PLXDC2: variants seen among roughly 807,000 people sequenced by gnomAD.
PLXDC2 encodes plexin domain containing 2, also known as plexin domain-containing protein 2.
In PLXDC2, 40 loss-of-function variants were observed where a neutral mutation model predicts 68.9. That is an observed-to-expected ratio of 0.58 (90% CI 0.45 to 0.76). The LOEUF (loss-of-function observed/expected upper bound fraction) is 0.76. PLXDC2 is among the 30% of genes least tolerant of loss of function. The pLI is 0.00. For synonymous variants in PLXDC2, 243 were observed against 234.2 expected (o/e 1.04, Z -0.34); for missense variants, 644 against 661.9 (o/e 0.97, Z 0.30).
At chr10:20,040,726 G>A (rs1200523559) in intron 2 of PLXDC2, among the ~76,000 whole-genome samples, 1 of 151,944 alleles carries the variant, frequency 6.6e-6, no homozygotes, top group Non-Finnish European at 1.5e-5. Flanking sequence ...ATTAGAATTT[G>A]GAAGGGAGAA....
At chr10:20,168,725 C>A (rs1018215371) in intron 7 of PLXDC2, among the ~76,000 whole-genome samples, 1 of 152,102 alleles carries the variant, frequency 6.6e-6, no homozygotes, top group African/African-American at 2.4e-5. Flanking sequence ...TTTGGTTGTT[C>A]ATTTCAGAAA....
At chr10:20,186,586 G>C (rs574449078) in intron 9 of PLXDC2, among the ~76,000 whole-genome samples, 4 of 151,748 alleles carry the variant, frequency 2.6e-5, no homozygotes, top group African/African-American at 9.7e-5. Flanking sequence ...CCTCTGGTAG[G>C]CCTCAGTATG....
At chr10:20,145,745 G>A (rs1834068091) in intron 5 of PLXDC2, among the ~76,000 whole-genome samples, 1 of 151,848 alleles carries the variant, frequency 6.6e-6, no homozygotes, top group Non-Finnish European at 1.5e-5. Flanking sequence ...AGTAGAGATG[G>A]GGTTTCACCG....
intron 12 of PLXDC2, among the ~76,000 whole-genome samples, chr10:20,235,878 C>T (rs192380096): frequency 5.5e-4 from 84 of 152,238 alleles, no homozygotes; most frequent in African/African-American, 2.0e-3. Context: ...CTGTTCTGTA[C>T]CTCCAAACCT....
intron 1 of PLXDC2, among the ~76,000 whole-genome samples, chr10:19,869,043 G>A (rs1837481012): frequency 6.6e-6 from 1 of 152,042 alleles, no homozygotes; most frequent in Non-Finnish European, 1.5e-5. Flanking sequence ...CTTGTCATAG[G>A]CTTTAGAGTT....
chr10:20,127,267 G>T (rs1167817323), intron 4 of PLXDC2, among the ~76,000 whole-genome samples: 2 of 152,152 alleles, frequency 1.3e-5, no homozygotes, highest in African/African-American at 4.8e-5. Context: ...GCACATTCAG[G>T]ACATTGCGTG....
At chr10:20,139,644 C>A (rs1833974960) in intron 4 of PLXDC2, among the ~76,000 whole-genome samples, 1 of 152,116 alleles carries the variant, frequency 6.6e-6, no homozygotes, top group South Asian at 2.1e-4. Flanking sequence ...GAAAATGTAG[C>A]ACATAAACCC....
intron 1 of PLXDC2, among the ~76,000 whole-genome samples, chr10:19,857,690 C>T (rs2131331981): frequency 6.6e-6 from 1 of 152,280 alleles, no homozygotes; most frequent in African/African-American, 2.4e-5. Flanking sequence ...AAATAGGAAA[C>T]TAACAAAGAC....
rs140223574 is a variant in PLXDC2 at position 20,267,729 on chromosome 10, A to C, written c.1474-11974A>C. Reference sequence around the variant, plus strand: ...ACCTAAATAATTCACAAACCATATTATCAAACCCCTGAGTATTATACCATT... The same window carrying C: ...ACCTAAATAATTCACAAACCATATTCTCAAACCCCTGAGTATTATACCATT... On this transcript the variant is annotated intron_variant, in intron 13 of 13. Transcript: ENST00000377252. Among the ~76,000 whole-genome samples the C allele has an allele frequency of 2.0e-5, 3 of 152,198 alleles. No homozygotes were observed. The East Asian group carries it at 5.8e-4, about 29-fold the overall frequency.
chr10:19,872,992 G>C (rs1206784750), intron 1 of PLXDC2, among the ~76,000 whole-genome samples: 1 of 152,136 alleles, frequency 6.6e-6, no homozygotes. Flanking sequence ...ACTCCTAACA[G>C]AACAGTTTGA....
intron 4 of PLXDC2, among the ~76,000 whole-genome samples, chr10:20,123,337 G>T (rs530039149): frequency 5.3e-5 from 8 of 152,120 alleles, no homozygotes; most frequent in Non-Finnish European, 1.0e-4. Context: ...GATTTGGGAT[G>T]AGTTGCATTG....
At chr10:20,173,445 G>A (rs1834476759) in intron 7 of PLXDC2, among the ~76,000 whole-genome samples, 1 of 152,170 alleles carries the variant, frequency 6.6e-6, no homozygotes, top group Non-Finnish European at 1.5e-5. Context: ...ATTAGTCTGT[G>A]TTCAGTTCAG....
chr10:19,934,548 G>C (rs568460544), intron 1 of PLXDC2, among the ~76,000 whole-genome samples: 3 of 152,166 alleles, frequency 2.0e-5, no homozygotes, highest in Non-Finnish European at 2.9e-5. Context: ...GGCAAGCAAT[G>C]GTAAGTCTTG....
chr10:19,854,591 C>T (rs1224309418), intron 1 of PLXDC2, among the ~76,000 whole-genome samples: 1 of 152,190 alleles, frequency 6.6e-6, no homozygotes, highest in Non-Finnish European at 1.5e-5. Context: ...AGACGCAAGA[C>T]CTAGATTTTT....
chr10:19,876,048 C>A (rs1410839651), intron 1 of PLXDC2, among the ~76,000 whole-genome samples: 1 of 152,056 alleles, frequency 6.6e-6, no homozygotes, highest in African/African-American at 2.4e-5. Flanking sequence ...TGAGGACAAT[C>A]AGTGGTGGGG....
chr10:20,013,684 C>T (rs1002448071), intron 2 of PLXDC2, among the ~76,000 whole-genome samples: 1 of 152,132 alleles, frequency 6.6e-6, no homozygotes, highest in African/African-American at 2.4e-5. Flanking sequence ...ACCAAACCTT[C>T]CCAAAGAACT....
chr10:20,154,075 T>G (rs1834186141), intron 6 of PLXDC2, among the ~76,000 whole-genome samples: 1 of 152,164 alleles, frequency 6.6e-6, no homozygotes, highest in African/African-American at 2.4e-5. Context: ...GATCCTTTCT[T>G]AAATACATGG....
chr10:19,981,161 A>G (rs1183638058), intron 1 of PLXDC2, among the ~76,000 whole-genome samples: 1 of 152,222 alleles, frequency 6.6e-6, no homozygotes, highest in East Asian at 1.9e-4. Flanking sequence ...TCAATAGTTG[A>G]ATCTTTGATA....
chr10:19,824,336 A>G (rs1206138645), intron 1 of PLXDC2, among the ~76,000 whole-genome samples: 1 of 152,180 alleles, frequency 6.6e-6, no homozygotes, highest in East Asian at 1.9e-4. Flanking sequence ...GTGCTAGCTT[A>G]CCTATGTCTT....
Sources: gnomAD v4.1 joint callset for allele counts (sites outside exome capture counted in the v4.1 genomes callset) on GRCh38, gnomAD v4.1.1 for gene constraint, MANE v1.5 for transcripts, NCBI Gene and HGNC (gene_info 2026-07-23, HGNC 2026-07-21) for gene names.